The following BOD1L1 variants were observed in gnomAD, a reference collection of about 807,000 sequenced individuals.
BOD1L1 encodes the protein biorientation of chromosomes in cell division protein 1-like 1.
A neutral mutation model predicts 240.7 loss-of-function variants in BOD1L1; 86 were observed. The ratio of observed to expected loss-of-function variants is 0.36; its 90% CI spans 0.30 to 0.43. The LOEUF (loss-of-function observed/expected upper bound fraction) is 0.43, where lower values mean the gene tolerates loss of function less well. BOD1L1 is among the 20% of genes least tolerant of loss of function. The pLI is 1.00. For missense variants in BOD1L1, 3,554 were observed against 3,643.5 expected (o/e 0.98, Z 0.63); for synonymous variants, 1,268 against 1,272.3 (o/e 1.00, Z 0.07).
In BOD1L1 at chr4:13,581,216, G is replaced by A; in HGVS notation, c.8593-9C>T. ...ATTATTGGCTGATCTTCCTAAGGGGGAAATAAAAAACAACAACAGCAATAA... is the reference window on the plus strand; with the variant it reads ...ATTATTGGCTGATCTTCCTAAGGGGAAAATAAAAAACAACAACAGCAATAA... On this transcript the variant is annotated splice_polypyrimidine_tract_variant and intron_variant, in intron 19 of 25. Coordinates refer to ENST00000040738, the MANE Select transcript of BOD1L1 (RefSeq NM_148894.3). The A allele has an allele frequency of 6.5e-7, 1 of 1,529,348 alleles. No homozygotes were observed. Among genetic ancestry groups the A allele is most frequent in the Non-Finnish European group, 8.8e-7 (1 of 1,138,730 alleles). The allele number at this position is 1,529,348 out of a possible 1,614,324, so 94.7% of individuals were successfully genotyped here. A position where few individuals can be genotyped will look rare whatever the true frequency, so the allele number is the denominator to read the frequency against.
rs1009745883 is a variant in BOD1L1 at position 13,575,905 on chromosome 4, T to C, written c.9038+933A>G. On this transcript the variant is annotated intron_variant, in intron 25 of 25. Transcript: ENST00000040738. The stretch of plus-strand genomic sequence containing the variant: ...GGAGTTTGCCAAACCCTTTTTTTTT[T>C]TTTTTTTTTTTTTTTTGAGATGGAG... Among the ~76,000 whole-genome samples the C allele has an allele frequency of 1.7e-3, 225 of 131,316 alleles. 1 individual carries two copies. The highest frequency in any genetic ancestry group is 7.3e-3 in the African/African-American group (215 of 29,564). The allele number at this position is 131,316 out of a possible 152,430, so 86.1% of individuals were successfully genotyped here. A position where few individuals can be genotyped will look rare whatever the true frequency, so the allele number is the denominator to read the frequency against.
Position 13,572,600 on chromosome 4 carries a change from T to C in BOD1L1, c.9039-2472A>G, listed in dbSNP as rs1254143800. The C allele has an allele frequency of 1.0e-5, 11 of 1,100,926 alleles. No individual in the cohort carries two copies. In the East Asian group the frequency reaches 2.9e-4, roughly 29 times the overall value. The allele number at this position is 1,100,926 out of a possible 1,614,324, so 68.2% of individuals were successfully genotyped here. A position where few individuals can be genotyped will look rare whatever the true frequency, so the allele number is the denominator to read the frequency against. ...ACCAATGATCCCCAAAAACAGTTAT[T>C]TGGTGAGACAAAATCTTAAAGGAAA... On this transcript the variant is annotated intron_variant, in intron 25 of 25. Transcript: ENST00000040738.
intron 18 of BOD1L1, 82 bp from the exon 19 acceptor site, chr4:13,582,392 G>A: frequency 9.6e-7 from 1 of 1,043,486 alleles, no homozygotes; most frequent in Non-Finnish European, 1.5e-6. Flanking sequence ...CTACACAGCT[G>A]CAGCCACACA....
At chr4:13,621,905 C>T (rs1367775385) in intron 1 of BOD1L1, among the ~76,000 whole-genome samples, 1 of 150,214 alleles carries the variant, frequency 6.7e-6, no homozygotes, top group Non-Finnish European at 1.5e-5. Flanking sequence ...TGCTCGATTG[C>T]CCATGCTAGA....
In BOD1L1 at chr4:13,595,974, G is replaced by A. The variant is rs749184134; in HGVS notation, c.8020-30C>T. 12 of 1,586,382 alleles carry A rather than the reference G, an allele frequency of 7.6e-6. No homozygotes were observed. The South Asian group carries it at 1.0e-4, about 13-fold the overall frequency. On this transcript the variant is annotated intron_variant, in intron 11 of 25. Transcript: ENST00000040738. ...AAAATCCAAAGCACCATAAAAATAA[G>A]TTAACCAGGGTTTTTACAAGAAGAC... is the stretch of plus-strand genomic sequence containing the variant.
At chr4:13,584,476 G>GTGTGTGTGTC (rs1553836244) in intron 17 of BOD1L1, among the ~76,000 whole-genome samples, 2 of 151,196 alleles carry the variant, frequency 1.3e-5, no homozygotes, top group African/African-American at 4.9e-5. Flanking sequence ...GTGTGTGTGT[G>GTGTGTGTGTC]TGTGTGTTGG....
chr4:13,605,020 G>C lies in BOD1L1; in HGVS notation c.1880C>G (p.Pro627Arg). 1 of 1,601,826 alleles carries C rather than the reference G, an allele frequency of 6.2e-7. No individual in the cohort carries two copies. Among genetic ancestry groups the C allele is most frequent in the South Asian group, 1.1e-5 (1 of 88,244 alleles). The change falls in exon 10 of 26, where the codon CCA becomes CGA. Residue 627 changes from proline to arginine, a missense_variant. Coordinates refer to ENST00000040738, the MANE Select transcript of BOD1L1 (RefSeq NM_148894.3). ...TGAAAGTCTCCGGGCAGGTTTACTT[G>C]GTTCACTTTTTGCATGAACATGCTT... The part of the protein sequence containing the change: ...ELKHVHAKSE[P>R]SKPARRLSES...
Position 13,601,112 on chromosome 4 carries a change from T to C in BOD1L1, c.5788A>G (p.Asn1930Asp). 1 of 1,614,016 alleles carries C rather than the reference T, an allele frequency of 6.2e-7. No homozygotes were observed. ...TCTGTGCCACTCATGCTGTCAACAT[T>C]ATTTTCATTTGCATTCATGATGGCA... ...GAAIMNANENNVDSMSGTEKG... is the reference protein window; with the variant it reads ...GAAIMNANENDVDSMSGTEKG... Residue 1930 changes from asparagine to aspartate, a missense_variant, in exon 10 of 26, where the codon AAT becomes GAT. Transcript: ENST00000040738.
At position 13,613,601 on chromosome 4, in the gene BOD1L1, T is replaced by C; in HGVS notation, c.1235A>G (p.His412Arg). ...GLTDITVSSVHTSDLSSFEED... is the reference protein window; with the variant it reads ...GLTDITVSSVRTSDLSSFEED... ...TTCAAAAGATGAAAGGTCACTGGTATGAACAGAGCTAACTGTGATGTCTGT... is the reference window on the plus strand; with the variant it reads ...TTCAAAAGATGAAAGGTCACTGGTACGAACAGAGCTAACTGTGATGTCTGT... Residue 412 changes from histidine to arginine, a missense_variant, in exon 5 of 26, where the codon CAT becomes CGT. Physicochemically the swap from His to Arg is conservative, Grantham distance 29 (BLOSUM62 0). This residue lies in a region of BOD1L1 where 3,393 missense variants were observed against 3,427.1 expected (regional missense o/e 0.99). Coordinates refer to ENST00000040738, the MANE Select transcript of BOD1L1 (RefSeq NM_148894.3). This position sits in a 1 kb window ranked among gnomAD's most constrained non-coding sequence, Gnocchi z 4.0. The C allele has an allele frequency of 6.2e-7, 1 of 1,611,194 alleles. No homozygotes were observed. The highest frequency in any genetic ancestry group is 8.5e-7 in the Non-Finnish European group (1 of 1,177,880).
At chr4:13,575,895 C>CTTT (rs35101769) in intron 25 of BOD1L1, among the ~76,000 whole-genome samples, 49 of 119,258 alleles carry the variant, frequency 4.1e-4, no homozygotes, top group Non-Finnish European at 6.1e-4. Flanking sequence ...TTGCCAAACC[C>CTTT]TTTTTTTTTT....
In BOD1L1 at chr4:13,609,404, G is replaced by C. The variant is rs200263666; in HGVS notation, c.1494C>G (p.Ala498=). 2 of 1,495,234 alleles carry C rather than the reference G, an allele frequency of 1.3e-6. No individual in the cohort carries two copies. Among genetic ancestry groups the C allele is most frequent in the Middle Eastern group, 1.8e-4 (1 of 5,692 alleles). 92.6% of individuals were successfully genotyped at this position (1,495,234 alleles called of 1,614,324 possible). A position where few individuals can be genotyped will look rare whatever the true frequency, so the allele number is the denominator to read the frequency against. ...LTVEQRRQSI[A]KEKEERLLRR... is the part of the protein sequence containing the mutation. ...TTAAAAGCCTCTCTTCTTTTTCTTT[G>C]GCCTAAAACCACAAAATACCCTAAC... The change falls in exon 7 of 26, where the codon GCC becomes GCG. Residue 498 remains alanine, a splice_region_variant and synonymous_variant. Coordinates refer to ENST00000040738, the MANE Select transcript of BOD1L1 (RefSeq NM_148894.3).
chr4:13,601,456 C>G lies in BOD1L1; in HGVS notation c.5444G>C (p.Gly1815Ala). Reference protein sequence around the residue: ...SCTGSEDSSEGFAISSESEEN... With the variant: ...SCTGSEDSSEAFAISSESEEN... ...TTCCGATTCAGAACTTATAGCAAAG[C>G]CTTCGCTGCTATCTTCTGAACCTGT... Residue 1815 changes from glycine to alanine, a missense_variant, in exon 10 of 26, where the codon GGC (glycine) becomes GCC (alanine). By Grantham distance (60) the Gly-to-Ala change is moderately conservative (BLOSUM62 0). Around this residue, in one of 2 missense-constraint regions of BOD1L1, gnomAD observed 3,393 missense variants for 3,427.1 expected, o/e 0.99. Coordinates refer to ENST00000040738, the MANE Select transcript of BOD1L1 (RefSeq NM_148894.3). The G allele has an allele frequency of 6.2e-7, 1 of 1,614,016 alleles. No homozygotes were observed. The highest frequency in any genetic ancestry group is 8.5e-7 in the Non-Finnish European group (1 of 1,179,902).
At chr4:13,587,241 T>C (rs1428711917) in intron 16 of BOD1L1, among the ~76,000 whole-genome samples, 21 of 152,234 alleles carry the variant, frequency 1.4e-4, no homozygotes, top group Non-Finnish European at 1.9e-4. Flanking sequence ...TAGTAGCTTC[T>C]GTATTAGACA....
At chr4:13,580,591 G>T (rs193291896) in intron 21 of BOD1L1, among the ~76,000 whole-genome samples, 1 of 152,094 alleles carries the variant, frequency 6.6e-6, no homozygotes, top group Non-Finnish European at 1.5e-5. Context: ...GATAAAGAAC[G>T]TTCAAACATA....
chr4:13,598,374 T>C (rs1027475363), intron 10 of BOD1L1, among the ~76,000 whole-genome samples: 2 of 152,182 alleles, frequency 1.3e-5, no homozygotes, highest in Admixed American at 1.3e-4. Flanking sequence ...TGCAAACCTA[T>C]GATCAGATGA....
rs1264520339 is a variant in BOD1L1, at chr4:13,569,827, T to C, written c.*184A>G. 1 of 391,286 alleles carries C rather than the reference T, an allele frequency of 2.6e-6. No homozygotes were observed. The highest frequency in any genetic ancestry group is 2.1e-5 in the African/African-American group (1 of 48,242). 24.2% of individuals were successfully genotyped at this position (391,286 alleles called of 1,614,324 possible). A position where few individuals can be genotyped will look rare whatever the true frequency, so the allele number is the denominator to read the frequency against. On this transcript the variant is annotated 3_prime_UTR_variant, in exon 26 of 26. Transcript: ENST00000040738. Reference sequence around the variant, plus strand: ...GTCCTTTATCTGAAATAAATGTACATAATATCTTCTATGAACAATAGTTTA... The same window carrying C: ...GTCCTTTATCTGAAATAAATGTACACAATATCTTCTATGAACAATAGTTTA...
chr4:13,609,555 C>T, intron 6 of BOD1L1, 149 bp from the exon 7 acceptor site: 2 of 487,146 alleles, frequency 4.1e-6, no homozygotes, highest in Non-Finnish European at 7.2e-6. Flanking sequence ...CATATATATA[C>T]ACACATTTAT....
At chr4:13,617,173 A>AGGCGGAGAATTGCTGGAATCCAGGG (rs1212327756) in intron 2 of BOD1L1, among the ~76,000 whole-genome samples, 1 of 147,448 alleles carries the variant, frequency 6.8e-6, no homozygotes, top group Non-Finnish European at 1.5e-5. Flanking sequence ...GGAATCCAGG[A>AGGCGGAGAATTGCTGGAATCCAGGG]GGCAGAGATT....
intron 11 of BOD1L1, among the ~76,000 whole-genome samples, chr4:13,596,491 C>T (rs1164331588): frequency 6.6e-6 from 1 of 151,922 alleles, no homozygotes; most frequent in African/African-American, 2.4e-5. Context: ...CCCATGTTCA[C>T]TGCTGTTTTG....
Sources: gnomAD v4.1 joint callset for allele counts (sites outside exome capture counted in the v4.1 genomes callset) on GRCh38, gnomAD v4.1.1 for gene constraint, gnomAD v4.1.1 regional missense constraint, Gnocchi (gnomAD v3.1) non-coding constraint, MANE v1.5 for transcripts, NCBI Gene and HGNC (gene_info 2026-07-23, HGNC 2026-07-21) for gene names.